Variants in GRM5 observed in about 807,000 individuals in gnomAD.
GRM5 encodes the protein metabotropic glutamate receptor 5.
In GRM5, 19 loss-of-function variants were observed where a neutral mutation model predicts 83.1. That is an observed-to-expected ratio of 0.23 (90% CI 0.16 to 0.34). The LOEUF is 0.34. Among genes scored for constraint, GRM5 ranks in the 10% least tolerant of loss-of-function variants. The pLI is 1.00. For synonymous variants in GRM5, 675 were observed against 633.6 expected, an observed-to-expected ratio of 1.07 and a Z score of -0.98; for missense variants, 1,160 against 1,588.3, an observed-to-expected ratio of 0.73 and a Z score of 4.58.
At chr11:88,669,454 A>G (rs1186701000) in intron 3 of GRM5, among the ~76,000 whole-genome samples, 1 of 152,104 alleles carries the variant, frequency 6.6e-6, no homozygotes, top group Non-Finnish European at 1.5e-5. Context: ...CCAATATTTT[A>G]TTGAAGGTTC....
chr11:88,817,699 A>C (rs1943716523), intron 3 of GRM5, among the ~76,000 whole-genome samples: 3 of 152,140 alleles, frequency 2.0e-5, no homozygotes, highest in African/African-American at 7.2e-5. Flanking sequence ...TTATTAAATT[A>C]TTGGATGCTA....
In GRM5 at chr11:88,703,374, T is replaced by C. The variant is rs1214331403; in HGVS notation, c.912-49971A>G. Among the ~76,000 whole-genome samples the C allele has an allele frequency of 4.8e-5, 4 of 83,498 alleles. No homozygotes were observed. In the East Asian group the frequency reaches 1.2e-3, roughly 26 times the overall value. 54.8% of individuals were successfully genotyped at this position (83,498 alleles called of 152,430 possible). ...GAAACTTGTCACATTGGGATAGTAC[T>C]GGACACCTGAGGGATGGTATGTAGA... On this transcript the variant is annotated intron_variant, in intron 3 of 9. Coordinates refer to ENST00000305447, the MANE Select transcript of GRM5 (RefSeq NM_001143831.3).
intron 4 of GRM5, among the ~76,000 whole-genome samples, chr11:88,620,341 T>A (rs1181170880): frequency 6.6e-6 from 1 of 152,216 alleles, no homozygotes; most frequent in African/African-American, 2.4e-5. Context: ...AAACATATCA[T>A]GGGATTCAGA....
chr11:88,522,603 C>CTCTCTCTCTCTCTCTCTG (rs1206475339), intron 9 of GRM5, among the ~76,000 whole-genome samples: 1 of 127,218 alleles, frequency 7.9e-6, no homozygotes, highest in African/African-American at 2.8e-5. Context: ...CTCTCTCTCT[C>CTCTCTCTCTCTCTCTCTG]TGTGTGTGTG....
intron 2 of GRM5, among the ~76,000 whole-genome samples, chr11:89,006,392 T>C (rs113933910): frequency 0.01 from 1,564 of 152,320 alleles, 16 homozygotes; most frequent in Middle Eastern, 0.017. Context: ...TTCCTTTCTT[T>C]TGGACTCTAG....
At chr11:88,873,066 T>C (rs1458115736) in intron 2 of GRM5, among the ~76,000 whole-genome samples, 4 of 151,612 alleles carry the variant, frequency 2.6e-5, no homozygotes, top group African/African-American at 7.3e-5. Flanking sequence ...GGAGTAGCTA[T>C]ACTTACATTA....
At chr11:88,684,153 C>G (rs7124149) in intron 3 of GRM5, among the ~76,000 whole-genome samples, 151,357 of 152,340 alleles carry the variant, frequency 0.99, 75,200 homozygotes, top group East Asian at 1. Flanking sequence ...AAGAACATTG[C>G]GGCTGGAGCA....
chr11:88,934,284 A>C (rs1937817297), intron 2 of GRM5, among the ~76,000 whole-genome samples: 1 of 151,804 alleles, frequency 6.6e-6, no homozygotes, highest in South Asian at 2.1e-4. Flanking sequence ...TCAAACTGTC[A>C]ATTGATTTCA....
intron 3 of GRM5, among the ~76,000 whole-genome samples, chr11:88,777,033 T>C (rs531695167): frequency 1.3e-5 from 2 of 152,300 alleles, no homozygotes; most frequent in Non-Finnish European, 2.9e-5. Flanking sequence ...CTGAAGAGTG[T>C]TTTCCAACTT....
At chr11:88,640,430 C>T (rs902012429) in intron 4 of GRM5, among the ~76,000 whole-genome samples, 1 of 152,162 alleles carries the variant, frequency 6.6e-6, no homozygotes, top group Non-Finnish European at 1.5e-5. Context: ...CAGAAGACTT[C>T]TGTGACCACA....
At chr11:88,825,201 G>A (rs1223757048) in intron 3 of GRM5, among the ~76,000 whole-genome samples, 1 of 151,260 alleles carries the variant, frequency 6.6e-6, no homozygotes, top group African/African-American at 2.4e-5. Flanking sequence ...CAGTTAACAG[G>A]ATAAAATCAA....
chr11:89,010,248 A>G (rs1424471298), intron 2 of GRM5, among the ~76,000 whole-genome samples: 9 of 152,142 alleles, frequency 5.9e-5, no homozygotes, highest in Non-Finnish European at 8.8e-5. Flanking sequence ...GAGTGTGAAT[A>G]TATGACGTAA....
chr11:88,988,733 A>G (rs1296745452), intron 2 of GRM5, among the ~76,000 whole-genome samples: 4 of 150,838 alleles, frequency 2.7e-5, no homozygotes, highest in African/African-American at 4.9e-5. Flanking sequence ...AGAATTTTCA[A>G]CCAAGAATTT....
chr11:88,622,541 T>A (rs761768310), intron 4 of GRM5, among the ~76,000 whole-genome samples: 1 of 152,182 alleles, frequency 6.6e-6, no homozygotes, highest in Non-Finnish European at 1.5e-5. Flanking sequence ...TCCTTTGATT[T>A]ATGGGATCAC....
At chr11:88,517,001 T>A (rs1182069401) in intron 9 of GRM5, among the ~76,000 whole-genome samples, 1 of 152,098 alleles carries the variant, frequency 6.6e-6, no homozygotes, top group Admixed American at 6.6e-5. Flanking sequence ...TGTTAATATT[T>A]CCAGATTAAG....
intron 9 of GRM5, among the ~76,000 whole-genome samples, chr11:88,516,898 G>A (rs1941535196): frequency 6.6e-6 from 1 of 151,986 alleles, no homozygotes; most frequent in South Asian, 2.1e-4. Context: ...CTTCCTCAAA[G>A]ACAATAGAAA....
rs370461868 is a variant in GRM5, at chr11:88,774,873, T to A, written c.911+75033A>T. Among the ~76,000 whole-genome samples, 3 of 152,178 alleles carry A rather than the reference T, an allele frequency of 2.0e-5. No homozygotes were observed. In the South Asian group the frequency reaches 6.2e-4, roughly 31 times the overall value. The stretch of plus-strand genomic sequence containing the variant: ...AGTATTTTATTGAGGATTTTTGCAT[T>A]GATGTTCATCAGGGATATTGGTCTA... On this transcript the variant is annotated intron_variant, in intron 3 of 9. Transcript: ENST00000305447.
intron 8 of GRM5, among the ~76,000 whole-genome samples, chr11:88,550,474 T>A (rs1591340850): frequency 6.6e-6 from 1 of 152,224 alleles, no homozygotes; most frequent in East Asian, 1.9e-4. Context: ...GTGTACCAAT[T>A]TAGTTCAAGT....
chr11:88,757,672 C>T (rs1435523144), intron 3 of GRM5, among the ~76,000 whole-genome samples: 1 of 152,116 alleles, frequency 6.6e-6, no homozygotes, highest in Non-Finnish European at 1.5e-5. Context: ...ACGCTGTCTC[C>T]CCCACTGCTA....
Sources: gnomAD v4.1 joint callset for allele counts (sites outside exome capture counted in the v4.1 genomes callset) on GRCh38, gnomAD v4.1.1 for gene constraint, MANE v1.5 for transcripts, NCBI Gene and HGNC (gene_info 2026-07-23, HGNC 2026-07-21) for gene names.